Variants in CELF4 observed in about 807,000 individuals in gnomAD.
CELF4 encodes the protein CUGBP Elav-like family member 4.
CELF4 carries 18 observed loss-of-function variants against 59.9 expected under a neutral mutation model. That is an observed-to-expected ratio of 0.30 (90% CI 0.21 to 0.45). CELF4 has a LOEUF of 0.45. CELF4 is among the 20% of genes least tolerant of loss of function. The pLI is 1.00. For synonymous variants in CELF4, 261 were observed against 267.1 expected, an observed-to-expected ratio of 0.98 and a Z score of 0.22; for missense variants, 456 against 689.0, an observed-to-expected ratio of 0.66 and a Z score of 3.79.
intron 2 of CELF4, among the ~76,000 whole-genome samples, chr18:37,412,966 G>A (rs1451460127): frequency 6.6e-6 from 1 of 152,118 alleles, no homozygotes; most frequent in Non-Finnish European, 1.5e-5. Context: ...CCTGCTCATG[G>A]CTTATAGAAG....
chr18:37,339,217 T>A (rs1259550414), intron 2 of CELF4, among the ~76,000 whole-genome samples: 1 of 152,186 alleles, frequency 6.6e-6, no homozygotes, highest in East Asian at 1.9e-4. Flanking sequence ...CTGCCAAGCC[T>A]GGAGATGATA....
intron 2 of CELF4, among the ~76,000 whole-genome samples, chr18:37,356,632 C>A (rs773932434): frequency 9.2e-5 from 14 of 152,176 alleles, no homozygotes; most frequent in Non-Finnish European, 1.3e-4. Context: ...TTGCAGGGAC[C>A]AACATCAACG....
intron 8 of CELF4, 28 bp downstream of exon 8, chr18:37,270,740 G>A (rs750062173): frequency 5.2e-5 from 84 of 1,613,046 alleles, no homozygotes; most frequent in Non-Finnish European, 6.4e-5. Context: ...TGCTGCATAC[G>A]GAAATAAGTG....
chr18:37,553,600 C>G (rs990281393), intron 1 of CELF4, among the ~76,000 whole-genome samples: 1 of 152,230 alleles, frequency 6.6e-6, no homozygotes, highest in Non-Finnish European at 1.5e-5. Flanking sequence ...AAACAAAACT[C>G]ACATGGATAC....
chr18:37,401,531 C>A (rs2099326666), intron 2 of CELF4, among the ~76,000 whole-genome samples: 2 of 152,310 alleles, frequency 1.3e-5, no homozygotes, highest in Middle Eastern at 3.4e-3. Flanking sequence ...TGCATTAAAT[C>A]ATTTGGTCCT....
intron 12 of CELF4, chr18:37,247,587 TGGAG>T (rs999864021): frequency 6.6e-6 from 1 of 152,024 alleles, no homozygotes; most frequent in Admixed American, 6.6e-5. Context: ...ACTCAAAGGA[TGGAG>T]GAAGCCAGCA....
chr18:37,417,888 CATA>C (rs1401478480), intron 2 of CELF4, among the ~76,000 whole-genome samples: 2 of 152,206 alleles, frequency 1.3e-5, no homozygotes, highest in Non-Finnish European at 2.9e-5. Context: ...ATCACCTGCT[CATA>C]ATGAGTCATG....
intron 1 of CELF4, among the ~76,000 whole-genome samples, chr18:37,502,172 G>A (rs978341076): frequency 3.9e-5 from 6 of 152,140 alleles, no homozygotes; most frequent in Non-Finnish European, 7.3e-5. Flanking sequence ...CTCTGGACTC[G>A]AGCTAACTTT....
rs150787110 is a variant in CELF4, at chr18:37,463,903, C to T, written c.369+21622G>A. 9.5e-3 allele frequency among the ~76,000 whole-genome samples: 1,452 copies of T among 152,234 alleles called. 23 individuals are homozygous for T. The highest frequency in any genetic ancestry group is 0.033 in the African/African-American group (1,353 of 41,550). ...TATTCCTACCTCCTGGCAGGGCCAT[C>T]CAGGGCTGCTAATGAGGCCTTCCTT... On this transcript the variant is annotated intron_variant, in intron 2 of 12. Coordinates refer to ENST00000420428, the MANE Select transcript of CELF4 (RefSeq NM_020180.4).
chr18:37,311,449 T>C (rs535473818), intron 3 of CELF4, among the ~76,000 whole-genome samples: 1 of 152,292 alleles, frequency 6.6e-6, no homozygotes, highest in South Asian at 2.1e-4. Flanking sequence ...AAAACTTATT[T>C]TTACAAAGGG....
At chr18:37,377,458 G>A (rs1406048140) in intron 2 of CELF4, among the ~76,000 whole-genome samples, 5 of 152,228 alleles carry the variant, frequency 3.3e-5, no homozygotes, top group Non-Finnish European at 7.3e-5. Context: ...ACCCAGGCAT[G>A]GGATGCTTCT....
rs1027270052 is a variant in CELF4 at position 37,558,272 on chromosome 18, A to G, written c.286+7084T>C. 9.9e-5 allele frequency among the ~76,000 whole-genome samples: 15 copies of G among 151,758 alleles called. No homozygotes were observed. In the East Asian group the frequency reaches 2.9e-3, roughly 30 times the overall value. The stretch of plus-strand genomic sequence containing the variant: ...TGGGTAGGGCTGTGGCTTGGGCTTT[A>G]TACCCACCTAGGGCTATGCGGAACT... On this transcript the variant is annotated intron_variant, in intron 1 of 12. Coordinates refer to ENST00000420428, the MANE Select transcript of CELF4 (RefSeq NM_020180.4).
intron 8 of CELF4, among the ~76,000 whole-genome samples, chr18:37,267,421 T>C (rs901944561): frequency 1.3e-5 from 2 of 152,172 alleles, no homozygotes; most frequent in Admixed American, 6.5e-5. Context: ...GGCAAAAGCC[T>C]GAAGCATGGG....
At chr18:37,478,370 G>A (rs769879824) in intron 2 of CELF4, among the ~76,000 whole-genome samples, 2 of 152,218 alleles carry the variant, frequency 1.3e-5, no homozygotes, top group Admixed American at 1.3e-4. Flanking sequence ...TTTCCTTCAA[G>A]TCATGTATGA....
intron 2 of CELF4, among the ~76,000 whole-genome samples, chr18:37,342,185 A>G (rs1461182646): frequency 1.3e-5 from 2 of 151,050 alleles, no homozygotes; most frequent in Non-Finnish European, 2.9e-5. Context: ...GGCTGTGGCC[A>G]TTTTGTATCC....
chr18:37,353,233 A>AAATATATAT (rs71168258), intron 2 of CELF4, among the ~76,000 whole-genome samples: 82 of 106,960 alleles, frequency 7.7e-4, no homozygotes, highest in East Asian at 4.2e-3. Context: ...AAAAAAAAAA[A>AAATATATAT]ATATATATAT....
chr18:37,344,803 G>A (rs1253633415), intron 2 of CELF4, among the ~76,000 whole-genome samples: 2 of 152,242 alleles, frequency 1.3e-5, no homozygotes, highest in Non-Finnish European at 2.9e-5. Context: ...GGGAACGGCT[G>A]CAAGGGGAGG....
At chr18:37,345,847 T>C (rs2098236652) in intron 2 of CELF4, among the ~76,000 whole-genome samples, 2 of 152,042 alleles carry the variant, frequency 1.3e-5, no homozygotes, top group South Asian at 4.2e-4. Flanking sequence ...CTGCATACCT[T>C]AGCACTCCCA....
chr18:37,487,619 G>A (rs910490556), intron 1 of CELF4, among the ~76,000 whole-genome samples: 10 of 152,132 alleles, frequency 6.6e-5, no homozygotes, highest in African/African-American at 2.4e-4. Context: ...CTTCTCCCGG[G>A]GGCGTCTTTC....
Sources: allele counts gnomAD v4.1 joint callset (sites outside exome capture counted in the v4.1 genomes callset), GRCh38; gene constraint gnomAD v4.1.1; transcripts MANE v1.5; gene names NCBI Gene and HGNC (gene_info 2026-07-23, HGNC 2026-07-21).